SPATA13: variants seen among roughly 807,000 people sequenced by gnomAD.
SPATA13 encodes spermatogenesis associated 13.
A neutral mutation model predicts 104.0 loss-of-function variants in SPATA13; 50 were observed. The observed-to-expected ratio is 0.48, with a 90% CI of 0.38 to 0.61. The LOEUF (loss-of-function observed/expected upper bound fraction) is 0.61. Ranked by LOEUF, SPATA13 falls within the 20% of genes least tolerant of loss-of-function variation. The pLI is 0.00. For missense variants in SPATA13, 1,524 were observed against 1,690.6 expected (o/e 0.90, Z 1.73); for synonymous variants, 606 against 667.5 (o/e 0.91, Z 1.42).
At chr13:24,238,132 CTTTTTTTTTT>C (rs66810619) in intron 2 of SPATA13, among the ~76,000 whole-genome samples, 1 of 77,154 alleles carries the variant, frequency 1.3e-5, no homozygotes, top group Non-Finnish European at 2.4e-5. Flanking sequence ...TTCTTCTTGA[CTTTTTTTTTT>C]TTTTTTTTTT....
intron 4 of SPATA13, among the ~76,000 whole-genome samples, chr13:24,256,823 ACTTATTGGAGC>A (rs1873813970): frequency 6.6e-6 from 1 of 152,224 alleles, no homozygotes; most frequent in African/African-American, 2.4e-5. Context: ...TTTCAGTGGC[ACTTATTGGAGC>A]CTTATCGGAG....
intron 3 of SPATA13, among the ~76,000 whole-genome samples, chr13:24,130,308 G>A (rs893517954): frequency 6.6e-6 from 1 of 152,146 alleles, no homozygotes; most frequent in East Asian, 1.9e-4. Flanking sequence ...AGTTCTTCTC[G>A]TTCCCAGTGT....
chr13:23,984,779 G>A (rs1392016192), intron 2 of SPATA13, among the ~76,000 whole-genome samples: 1 of 152,116 alleles, frequency 6.6e-6, no homozygotes, highest in Non-Finnish European at 1.5e-5. Context: ...GGGTATCCCA[G>A]CCAAAAAAGA....
intron 3 of SPATA13, among the ~76,000 whole-genome samples, chr13:24,055,167 A>G (rs1878496273): frequency 6.6e-6 from 1 of 152,230 alleles, no homozygotes; most frequent in South Asian, 2.1e-4. Flanking sequence ...CATATTTGTT[A>G]CAAAGCATGT....
intron 4 of SPATA13, among the ~76,000 whole-genome samples, chr13:24,256,234 A>G (rs1204753546): frequency 6.6e-6 from 1 of 152,234 alleles, no homozygotes. Context: ...AAAGGTTGGT[A>G]AATGGATATA....
chr13:24,079,486 C>G (rs939469121), intron 3 of SPATA13, among the ~76,000 whole-genome samples: 6 of 152,154 alleles, frequency 3.9e-5, no homozygotes, highest in African/African-American at 1.4e-4. Flanking sequence ...TCTGGCTGAA[C>G]TTTCCCTGCT....
intron 2 of SPATA13, among the ~76,000 whole-genome samples, chr13:23,988,956 A>G (rs1406845106): frequency 2.6e-5 from 4 of 152,176 alleles, no homozygotes; most frequent in Admixed American, 2.6e-4. Context: ...TCTGAGAATT[A>G]GTAAAACCTG....
chr13:24,059,907 A>G (rs1276703208), intron 3 of SPATA13, among the ~76,000 whole-genome samples: 1 of 152,190 alleles, frequency 6.6e-6, no homozygotes, highest in African/African-American at 2.4e-5. Context: ...TAAGAGGGGC[A>G]TCCTTGTCTT....
intron 3 of SPATA13, among the ~76,000 whole-genome samples, chr13:24,144,074 A>G (rs1266848171): frequency 1.3e-5 from 2 of 152,178 alleles, no homozygotes; most frequent in Non-Finnish European, 2.9e-5. Flanking sequence ...GTGAATGTTC[A>G]TGAGCTGAAT....
chr13:24,056,270 A>G (rs1421374048), intron 3 of SPATA13, among the ~76,000 whole-genome samples: 1 of 152,238 alleles, frequency 6.6e-6, no homozygotes, highest in East Asian at 1.9e-4. Flanking sequence ...AATATCTACT[A>G]TATGTCCACC....
intron 1 of SPATA13, among the ~76,000 whole-genome samples, chr13:23,983,511 C>A (rs1875001774): frequency 6.6e-6 from 1 of 152,196 alleles, no homozygotes; most frequent in Non-Finnish European, 1.5e-5. Flanking sequence ...GGACACTGAT[C>A]TGTGACTTTG....
At chr13:24,004,717 G>A (rs780001404) in intron 2 of SPATA13, among the ~76,000 whole-genome samples, 11 of 152,090 alleles carry the variant, frequency 7.2e-5, no homozygotes. Flanking sequence ...CATTCCATAC[G>A]ATTTATCTTC....
intron 2 of SPATA13, among the ~76,000 whole-genome samples, chr13:24,247,374 C>G (rs1343339402): frequency 6.6e-6 from 1 of 151,718 alleles, no homozygotes; most frequent in Non-Finnish European, 1.5e-5. Context: ...TGGCCCTGGG[C>G]AAGTCACGTC....
chr13:24,273,902 C>A (rs1211755718), intron 4 of SPATA13, among the ~76,000 whole-genome samples: 1 of 152,116 alleles, frequency 6.6e-6, no homozygotes, highest in African/African-American at 2.4e-5. Context: ...GTTGCCCAGG[C>A]TGGTCTTGAA....
At chr13:24,302,275 T>C (rs1490634660) in intron 12 of SPATA13, among the ~76,000 whole-genome samples, 5 of 151,872 alleles carry the variant, frequency 3.3e-5, no homozygotes, top group East Asian at 1.9e-4. Context: ...TTGGTTAACG[T>C]GAATTAAGAA....
intron 1 of SPATA13, among the ~76,000 whole-genome samples, chr13:24,164,909 C>T (rs1427711534): frequency 1.3e-5 from 2 of 152,194 alleles, no homozygotes; most frequent in South Asian, 2.1e-4. Flanking sequence ...GTCCAGCCGT[C>T]GCGCTAACTT....
intron 3 of SPATA13, among the ~76,000 whole-genome samples, chr13:24,108,745 A>G (rs1218377670): frequency 6.6e-6 from 1 of 152,144 alleles, no homozygotes; most frequent in East Asian, 1.9e-4. Flanking sequence ...CTCACCTTTC[A>G]AGCCTGGAGG....
chr13:24,278,511 C>A lies in SPATA13; in HGVS notation c.2165-5624C>A, dbSNP rs1875184619. 3 of 696,452 alleles carry A rather than the reference C, an allele frequency of 4.3e-6. No individual in the cohort carries two copies. The African/African-American group carries it at 5.7e-5, about 13-fold the overall frequency. 43.1% of individuals were successfully genotyped at this position (696,452 alleles called of 1,614,324 possible). A position where few individuals can be genotyped will look rare whatever the true frequency, so the allele number is the denominator to read the frequency against. On this transcript the variant is annotated intron_variant, in intron 4 of 12. Transcript: ENST00000382108. ...CAGCTTGGTCCCAAACTCCTGGGCT[C>A]AAGGGATCCTCCTGCCTCAGTCTTC...
intron 1 of SPATA13, among the ~76,000 whole-genome samples, chr13:24,179,293 A>G (rs1240723268): frequency 6.6e-6 from 1 of 152,170 alleles, no homozygotes. Context: ...GCATATACCT[A>G]TGCGTGGCAT....
Sources: gnomAD v4.1 joint callset for allele counts (sites outside exome capture counted in the v4.1 genomes callset) on GRCh38, gnomAD v4.1.1 for gene constraint, MANE v1.5 for transcripts, NCBI Gene and HGNC (gene_info 2026-07-23, HGNC 2026-07-21) for gene names.